The following PLXNB2 variants were observed in gnomAD, a reference collection of about 807,000 sequenced individuals.
PLXNB2 encodes plexin-B2.
In PLXNB2, 85 loss-of-function variants were observed where a neutral mutation model predicts 202.6. That is an observed-to-expected ratio of 0.42 (90% CI 0.35 to 0.50). The LOEUF (loss-of-function observed/expected upper bound fraction) is 0.50, where lower values mean the gene tolerates loss of function less well. PLXNB2 is among the 20% of genes least tolerant of loss of function. The pLI, the probability that PLXNB2 is intolerant of heterozygous loss-of-function variation, is 0.02. For missense variants in PLXNB2, 2,063 were observed against 2,586.2 expected (o/e 0.80, Z 4.39); for synonymous variants, 1,239 against 1,137.6 (o/e 1.09, Z -1.79).
chr22:50,307,575 C>T lies in PLXNB2; in HGVS notation c.-96G>A. 1 of 981,762 alleles carries T rather than the reference C, an allele frequency of 1.0e-6. No individual in the cohort carries two copies. The highest frequency in any genetic ancestry group is 1.2e-6 in the Non-Finnish European group (1 of 828,640). 60.8% of individuals were successfully genotyped at this position (981,762 alleles called of 1,614,324 possible). On this transcript the variant is annotated 5_prime_UTR_variant, in exon 1 of 37. Coordinates refer to ENST00000359337, the MANE Select transcript of PLXNB2 (RefSeq NM_012401.4). ...TACCTGCACGTCCGCCGCCAAGGCTCGATGGCGCCCGGGCCGCGCTCGGCG... is the reference window on the plus strand; with the variant it reads ...TACCTGCACGTCCGCCGCCAAGGCTTGATGGCGCCCGGGCCGCGCTCGGCG...
intron 1 of PLXNB2, among the ~76,000 whole-genome samples, chr22:50,306,833 C>A (rs1371516303): frequency 1.3e-5 from 2 of 152,244 alleles, no homozygotes; most frequent in African/African-American, 4.8e-5. Flanking sequence ...TGGCAGGAAG[C>A]CCCAGGGCGT....
chr22:50,277,126 G>A (rs1001758021), intron 33 of PLXNB2, among the ~76,000 whole-genome samples: 25 of 152,092 alleles, frequency 1.6e-4, no homozygotes, highest in Admixed American at 1.4e-3. Flanking sequence ...GCCCAACATG[G>A]TGAAACCCCG....
chr22:50,292,691 G>A (rs1319678508), intron 2 of PLXNB2, among the ~76,000 whole-genome samples: 1 of 151,966 alleles, frequency 6.6e-6, no homozygotes, highest in Non-Finnish European at 1.5e-5. Context: ...CTCGGCTTTG[G>A]GTGAAGCTGC....
Position 50,281,838 on chromosome 22 carries a change from G to A in PLXNB2, c.3345+16C>T, listed in dbSNP as rs368709033. Reference sequence around the variant, plus strand: ...CCCGAGCAGGACCCAGACACCCGGGGCTGCACCGTCCTCACCCGGGCGTGG... The same window carrying A: ...CCCGAGCAGGACCCAGACACCCGGGACTGCACCGTCCTCACCCGGGCGTGG... On this transcript the variant is annotated intron_variant, in intron 20 of 36. Coordinates refer to ENST00000359337, the MANE Select transcript of PLXNB2 (RefSeq NM_012401.4). 4 of 1,605,708 alleles carry A rather than the reference G, an allele frequency of 2.5e-6. No individual in the cohort carries two copies. Among genetic ancestry groups the A allele is most frequent in the Admixed American group, 1.7e-5 (1 of 59,850 alleles).
At position 50,277,732 on chromosome 22, in the gene PLXNB2, C is replaced by T. The variant is rs372850916; in HGVS notation, c.5055G>A (p.Pro1685=). 3.9e-4 allele frequency: 618 copies of T among 1,595,818 alleles called. 8 individuals are homozygous for T. In the Middle Eastern group the frequency reaches 0.02, roughly 52 times the overall value. ...TIHIWKTNSL[P]LRFWVNILKN... ...TGAGGATGTTCACCCAGAACCGGAG[C>T]GGTAAGCTGAGGCAGAGCAGCAGGG... Residue 1685 remains proline (P), a synonymous_variant, in exon 33 of 37, where the codon CCG becomes CCA. Transcript: ENST00000359337.
At chr22:50,293,552 G>A (rs1248957029) in intron 2 of PLXNB2, among the ~76,000 whole-genome samples, 2 of 152,256 alleles carry the variant, frequency 1.3e-5, no homozygotes, top group East Asian at 3.8e-4. Flanking sequence ...CTCGGTGGCA[G>A]TGGCAGAGGC....
intron 8 of PLXNB2, 147 bp downstream of exon 8, chr22:50,286,964 G>A: frequency 1.3e-6 from 1 of 783,498 alleles, no homozygotes; most frequent in Non-Finnish European, 1.9e-6. Flanking sequence ...CCCCACCACA[G>A]GCTTCATTCA....
chr22:50,278,634 C>T lies in PLXNB2; in HGVS notation c.4609G>A (p.Gly1537Ser). The T allele has an allele frequency of 6.2e-7, 1 of 1,613,110 alleles. No homozygotes were observed. Among genetic ancestry groups the T allele is most frequent in the South Asian group, 1.1e-5 (1 of 91,060 alleles). The change falls in exon 29 of 37, where the codon GGC (glycine) becomes AGC (serine). Residue 1537 changes from glycine (G) to serine (S), a missense_variant. Physicochemically the swap from Gly to Ser is moderately conservative, Grantham distance 56. This residue lies in a region of PLXNB2 where 760 missense variants were observed against 1,109.4 expected (regional missense o/e 0.69). Coordinates refer to ENST00000359337, the MANE Select transcript of PLXNB2 (RefSeq NM_012401.4). Reference sequence around the variant, plus strand: ...AGGGTGTTGACGCGCTTCCACCGGCCCTCCCGCTGTGACGTCAGGTCCAGG... The same window carrying T: ...AGGGTGTTGACGCGCTTCCACCGGCTCTCCCGCTGTGACGTCAGGTCCAGG... ...SDLDLTSQRE[G>S]RWKRVNTLMH...
intron 1 of PLXNB2, among the ~76,000 whole-genome samples, chr22:50,305,011 G>A (rs1385654428): frequency 6.6e-6 from 1 of 152,252 alleles, no homozygotes; most frequent in Non-Finnish European, 1.5e-5. Flanking sequence ...AGCTGAGTGA[G>A]AACTCCCAGC....
intron 1 of PLXNB2, among the ~76,000 whole-genome samples, chr22:50,305,387 G>A (rs955594785): frequency 1.3e-5 from 2 of 152,314 alleles, no homozygotes; most frequent in East Asian, 3.9e-4. Flanking sequence ...AGGCCGCCGG[G>A]CACACACCCC....
At chr22:50,287,402 G>T in intron 7 of PLXNB2, 138 bp from the exon 8 acceptor site, 1 of 1,030,548 alleles carries the variant, frequency 9.7e-7, no homozygotes. Flanking sequence ...TTCCAATACA[G>T]GCCTCTCTGT....
intron 2 of PLXNB2, among the ~76,000 whole-genome samples, chr22:50,292,848 C>A (rs1049695790): frequency 6.6e-6 from 1 of 152,220 alleles, no homozygotes; most frequent in East Asian, 1.9e-4. Context: ...AGTGAGACAG[C>A]GCTGCACTGG....
intron 1 of PLXNB2, among the ~76,000 whole-genome samples, chr22:50,301,639 G>T (rs1259604533): frequency 6.6e-6 from 1 of 152,100 alleles, no homozygotes; most frequent in East Asian, 1.9e-4. Flanking sequence ...GCAGCAGCCG[G>T]CTGCTCAGAG....
At chr22:50,302,476 A>C (rs568693593) in intron 1 of PLXNB2, among the ~76,000 whole-genome samples, 15 of 152,314 alleles carry the variant, frequency 9.8e-5, no homozygotes, top group African/African-American at 3.6e-4. Flanking sequence ...CAAACCCCAC[A>C]GGGCCTGGTC....
At chr22:50,281,255 G>A (rs760680584) in intron 22 of PLXNB2, 66 bp from the exon 23 acceptor site, 13 of 1,547,136 alleles carry the variant, frequency 8.4e-6, no homozygotes, top group African/African-American at 1.4e-5. Context: ...GGATGAGGAG[G>A]TGGATCTACA....
At chr22:50,279,492 T>G in intron 27 of PLXNB2, 138 bp downstream of exon 27, 1 of 849,830 alleles carries the variant, frequency 1.2e-6, no homozygotes, top group Non-Finnish European at 1.9e-6. Flanking sequence ...TGAGGCCGAG[T>G]TAGAGCAGGC....
chr22:50,282,939 C>A (rs552775719), intron 17 of PLXNB2, 58 bp from the exon 18 acceptor site: 1 of 1,558,972 alleles, frequency 6.4e-7, no homozygotes, highest in South Asian at 1.2e-5. Context: ...AGCCCCAGCC[C>A]GACCAGGCTG....
At chr22:50,279,941 C>T in intron 26 of PLXNB2, 64 bp downstream of exon 26, 5 of 1,444,986 alleles carry the variant, frequency 3.5e-6, no homozygotes, top group Non-Finnish European at 4.8e-6. Flanking sequence ...TAGGGGAACG[C>T]AGGAGGGGAT....
intron 14 of PLXNB2, 28 bp downstream of exon 14, chr22:50,283,805 G>C (rs749414059): frequency 2.5e-6 from 4 of 1,611,580 alleles, no homozygotes; most frequent in Non-Finnish European, 3.4e-6. Flanking sequence ...GACGAGGGAA[G>C]GTGTAGGCCA....
Sources: gnomAD v4.1 joint callset for allele counts (sites outside exome capture counted in the v4.1 genomes callset) on GRCh38, gnomAD v4.1.1 for gene constraint, gnomAD v4.1.1 regional missense constraint, MANE v1.5 for transcripts, NCBI Gene and HGNC (gene_info 2026-07-23, HGNC 2026-07-21) for gene names.